TLN2: variants seen among roughly 807,000 people sequenced by gnomAD.
TLN2 encodes the protein talin-2.
TLN2 carries 118 observed loss-of-function variants against 294.7 expected under a neutral mutation model. The observed-to-expected ratio is 0.40, with a 90% CI of 0.34 to 0.47. TLN2 has a LOEUF of 0.47. Among genes scored for constraint, TLN2 ranks in the 20% least tolerant of loss-of-function variants. TLN2 has a pLI of 0.84. For synonymous variants in TLN2, 1,431 were observed against 1,304.5 expected (o/e 1.10, Z -2.09); for missense variants, 3,083 against 3,282.2 (o/e 0.94, Z 1.48).
At chr15:62,712,521 G>T (rs972825810) in intron 22 of TLN2, among the ~76,000 whole-genome samples, 1 of 150,976 alleles carries the variant, frequency 6.6e-6, no homozygotes, top group African/African-American at 2.4e-5. Context: ...TTAAATCCCA[G>T]TTGCAGTTTT....
chr15:62,690,882 T>C (rs1303275369), intron 12 of TLN2, among the ~76,000 whole-genome samples: 56 of 151,284 alleles, frequency 3.7e-4, no homozygotes, highest in Middle Eastern at 3.4e-3. Context: ...GGCGTGGCGG[T>C]GCGCGCCTGC....
At chr15:62,622,528 G>A (rs1038133374) in intron 3 of TLN2, among the ~76,000 whole-genome samples, 3 of 152,138 alleles carry the variant, frequency 2.0e-5, no homozygotes, top group African/African-American at 7.2e-5. Context: ...GGGACACAGA[G>A]ACAGCCATGA....
At chr15:62,558,197 A>G (rs1302111362) in intron 1 of TLN2, among the ~76,000 whole-genome samples, 1 of 152,220 alleles carries the variant, frequency 6.6e-6, no homozygotes, top group Non-Finnish European at 1.5e-5. Flanking sequence ...TTTGTATCTC[A>G]ACTCAATTTT....
chr15:62,838,846 C>A lies in TLN2; in HGVS notation c.7375-10C>A. On this transcript the variant is annotated splice_polypyrimidine_tract_variant and intron_variant, in intron 57 of 58. Transcript: ENST00000636159. ...CTAATGATATAATGTATGTTTTGTTCACTCTCCAGGCGGCAGGAAATGCTG... is the reference window on the plus strand; with the variant it reads ...CTAATGATATAATGTATGTTTTGTTAACTCTCCAGGCGGCAGGAAATGCTG... 6.2e-7 allele frequency: 1 copy of A among 1,608,098 alleles called. No homozygotes were observed. Among genetic ancestry groups the A allele is most frequent in the South Asian group, 1.1e-5 (1 of 90,836 alleles).
chr15:62,796,050 C>A, intron 46 of TLN2, 77 bp from the exon 47 acceptor site: 2 of 1,540,414 alleles, frequency 1.3e-6, no homozygotes, highest in Non-Finnish European at 1.8e-6. Flanking sequence ...GGAGAGAATT[C>A]ATTATTTTCA....
intron 1 of TLN2, among the ~76,000 whole-genome samples, chr15:62,434,319 A>G (rs2035176305): frequency 6.6e-6 from 1 of 152,202 alleles, no homozygotes; most frequent in Non-Finnish European, 1.5e-5. Context: ...AAAAGTTAAC[A>G]TTGTAAGTTA....
chr15:62,640,271 T>G (rs780841577), intron 3 of TLN2: 69 of 455,750 alleles, frequency 1.5e-4, no homozygotes, highest in Non-Finnish European at 1.0e-4. Flanking sequence ...CCTGGGAGAT[T>G]GAGATGTAGA....
intron 1 of TLN2, among the ~76,000 whole-genome samples, chr15:62,506,083 T>G (rs1213801941): frequency 1.3e-5 from 2 of 152,232 alleles, no homozygotes; most frequent in African/African-American, 4.8e-5. Context: ...CTGGCCCGAA[T>G]GGAGCCTATA....
chr15:62,746,987 T>A (rs1212024004), intron 32 of TLN2, among the ~76,000 whole-genome samples: 3 of 152,208 alleles, frequency 2.0e-5, no homozygotes, highest in Non-Finnish European at 4.4e-5. Context: ...GACAAAACAT[T>A]GACCATGTAG....
chr15:62,435,354 G>A (rs1288925638), intron 1 of TLN2, among the ~76,000 whole-genome samples: 8 of 152,108 alleles, frequency 5.3e-5, no homozygotes, highest in Non-Finnish European at 1.2e-4. Flanking sequence ...TATCTTCCGC[G>A]ATGGTTGAAC....
intron 1 of TLN2, among the ~76,000 whole-genome samples, chr15:62,553,359 C>T (rs1184383364): frequency 2.0e-5 from 3 of 152,098 alleles, no homozygotes; most frequent in African/African-American, 7.2e-5. Flanking sequence ...ATGGTGGGTG[C>T]CTGTAATCCC....
chr15:62,499,725 C>A (rs113613078), intron 1 of TLN2, among the ~76,000 whole-genome samples: 7,623 of 152,064 alleles, frequency 0.05, 264 homozygotes, highest in Non-Finnish European at 0.072. Context: ...CCTCAGCCTC[C>A]CGAGAGTAGC....
chr15:62,463,208 C>A (rs1243947518), intron 1 of TLN2, among the ~76,000 whole-genome samples: 1 of 152,216 alleles, frequency 6.6e-6, no homozygotes. Context: ...GTCCCTCTTA[C>A]AGAGCAAGGC....
intron 1 of TLN2, among the ~76,000 whole-genome samples, chr15:62,409,277 T>G (rs964898476): frequency 6.6e-6 from 1 of 152,172 alleles, no homozygotes; most frequent in Admixed American, 6.6e-5. Flanking sequence ...CTTGTAGTTT[T>G]TATAATCAAA....
chr15:62,560,474 C>G (rs1203764344), intron 1 of TLN2, among the ~76,000 whole-genome samples: 1 of 152,044 alleles, frequency 6.6e-6, no homozygotes, highest in Non-Finnish European at 1.5e-5. Context: ...TTACAGGCAC[C>G]CGCCACCATG....
At chr15:62,693,664 A>G (rs2058095335) in intron 13 of TLN2, among the ~76,000 whole-genome samples, 5 of 151,990 alleles carry the variant, frequency 3.3e-5, no homozygotes, top group Admixed American at 3.3e-4. Context: ...AGAAAAACAG[A>G]TTTCTTAAGG....
intron 1 of TLN2, among the ~76,000 whole-genome samples, chr15:62,439,524 G>A (rs1233631582): frequency 6.6e-6 from 1 of 152,156 alleles, no homozygotes; most frequent in Middle Eastern, 3.2e-3. Context: ...TGTTGGCCAG[G>A]CTGGTCTCGA....
At chr15:62,832,852 A>G (rs978975926) in intron 54 of TLN2, 32 of 150,202 alleles carry the variant, frequency 2.1e-4, no homozygotes, top group African/African-American at 7.6e-4. Flanking sequence ...TTTTTTTTTT[A>G]AAGTCCATTT....
intron 1 of TLN2, among the ~76,000 whole-genome samples, chr15:62,546,732 G>A (rs547376773): frequency 1.3e-4 from 20 of 152,334 alleles, no homozygotes; most frequent in Admixed American, 2.0e-4. Context: ...CAGCGAAGGC[G>A]GAGTCCTTTA....
Sources: allele counts gnomAD v4.1 joint callset (sites outside exome capture counted in the v4.1 genomes callset), GRCh38; gene constraint gnomAD v4.1.1; transcripts MANE v1.5; gene names NCBI Gene and HGNC (gene_info 2026-07-23, HGNC 2026-07-21).